SCN4A: variants seen among roughly 807,000 people sequenced by gnomAD.
SCN4A encodes the protein sodium voltage-gated channel alpha subunit 4.
SCN4A carries 83 observed loss-of-function variants against 162.0 expected under a neutral mutation model. That is an observed-to-expected ratio of 0.51 (90% CI 0.43 to 0.61). The LOEUF (loss-of-function observed/expected upper bound fraction) is 0.61. Among genes scored for constraint, SCN4A ranks in the 20% least tolerant of loss-of-function variants. SCN4A has a pLI of 0.00. For synonymous variants in SCN4A, 944 were observed against 985.1 expected, an observed-to-expected ratio of 0.96 and a Z score of 0.78; for missense variants, 2,196 against 2,462.5, an observed-to-expected ratio of 0.89 and a Z score of 2.29.
At position 63,945,313 on chromosome 17, in the gene SCN4A, G is replaced by A. The variant is rs778043138; in HGVS notation, c.3720+47C>T. ...GGTACAACGAGAGGACCGGGGTGGG[G>A]GGCACCTCCATCCAGGTTCCCGGCA... On this transcript the variant is annotated intron_variant, in intron 19 of 23. Transcript: ENST00000435607. This position sits in a 1 kb window ranked among gnomAD's most constrained non-coding sequence, Gnocchi z 4.4. 16 of 1,540,124 alleles carry A rather than the reference G, an allele frequency of 1.0e-5. No individual in the cohort carries two copies. Among genetic ancestry groups the A allele is most frequent in the Admixed American group, 6.8e-5 (4 of 58,520 alleles).
chr17:63,964,485 G>A lies in SCN4A; in HGVS notation c.1435C>T (p.Gln479Ter). ...QQMLEKFKKH[Q>*]EELEKAKAAQ... ...GTCCAGACCTTCTCCAGCTCCTCCT[G>A]GTGCTTTTTGAACTTCTCAAGCATC... The change falls in exon 9 of 24, where the codon CAG (glutamine) becomes TAG (stop). Residue 479 changes from glutamine (Q) to a stop codon, truncating the protein, a stop_gained. Transcript: ENST00000435607. LOFTEE classifies it high-confidence loss of function. 1.9e-6 allele frequency: 3 copies of A among 1,613,920 alleles called. No individual in the cohort carries two copies. Among genetic ancestry groups the A allele is most frequent in the Non-Finnish European group, 2.5e-6 (3 of 1,179,826 alleles).
chr17:63,969,315 G>A (rs1191039867), intron 5 of SCN4A, among the ~76,000 whole-genome samples: 1 of 152,136 alleles, frequency 6.6e-6, no homozygotes, highest in Non-Finnish European at 1.5e-5. Flanking sequence ...TAATCCCAGG[G>A]GCAGGTTCCC....
intron 5 of SCN4A, 46 bp downstream of exon 5, chr17:63,971,116 G>C: frequency 1.6e-6 from 2 of 1,251,542 alleles, no homozygotes; most frequent in South Asian, 1.3e-5. Flanking sequence ...CACATGGTAC[G>C]GGGGTCTCTC....
Position 63,941,593 on chromosome 17 carries a change from A to G in SCN4A, c.4689T>C (p.Ser1563=). The G allele has an allele frequency of 6.2e-7, 1 of 1,614,080 alleles. No individual in the cohort carries two copies. The highest frequency in any genetic ancestry group is 8.5e-7 in the Non-Finnish European group (1 of 1,179,992). ...AGGGGTTGCCGCAGTCACCCTTGAC[A>G]CTGGTGCCCGGGTTCTCCAGGTTGG... ...CDPNLENPGT[S]VKGDCGNPSI... is the part of the protein sequence containing the mutation. Residue 1563 remains serine, a synonymous_variant, in exon 24 of 24, where the codon AGT becomes AGC. Coordinates refer to ENST00000435607, the MANE Select transcript of SCN4A (RefSeq NM_000334.4). The surrounding 1 kb of genome is among the most constrained non-coding windows in gnomAD (Gnocchi z 6.2).
chr17:63,961,547 A>T, intron 10 of SCN4A, 116 bp from the exon 11 acceptor site: 1 of 740,658 alleles, frequency 1.4e-6, no homozygotes, highest in Non-Finnish European at 2.4e-6. Context: ...TCCACATCTC[A>T]ACCCTCTAGC....
rs73326367 is a variant in SCN4A at position 63,966,366 on chromosome 17, A to C, written c.1100+115T>G. The stretch of plus-strand genomic sequence containing the variant: ...TGTCCCCCAAACAGAAAAGTATTCC[A>C]TCCATGCCCACAGGTTTCCCTGCAC... On this transcript the variant is annotated intron_variant, in intron 7 of 23. Coordinates refer to ENST00000435607, the MANE Select transcript of SCN4A (RefSeq NM_000334.4). The C allele has an allele frequency of 0.012, 17,445 of 1,405,884 alleles. 1,546 individuals carry two copies. The African/African-American group carries it at 0.2, about 16-fold the overall frequency. 87.1% of individuals were successfully genotyped at this position (1,405,884 alleles called of 1,614,324 possible).
At chr17:63,967,863 G>A (rs1007935860) in intron 6 of SCN4A, among the ~76,000 whole-genome samples, 160 bp downstream of exon 6, 1 of 151,974 alleles carries the variant, frequency 6.6e-6, no homozygotes, top group South Asian at 2.1e-4. Flanking sequence ...AAGCCGGGAG[G>A]CGGAGGTTGT....
intron 13 of SCN4A, among the ~76,000 whole-genome samples, chr17:63,955,135 A>T (rs896094390): frequency 6.6e-6 from 1 of 152,218 alleles, no homozygotes; most frequent in Non-Finnish European, 1.5e-5. Flanking sequence ...TGTTATCGTT[A>T]CTGGAGTTAC....
Position 63,957,300 on chromosome 17 carries a change from A to C in SCN4A, c.2238T>G (p.Asp746Glu). The C allele has an allele frequency of 6.2e-7, 1 of 1,614,162 alleles. No homozygotes were observed. The highest frequency in any genetic ancestry group is 8.5e-7 in the Non-Finnish European group (1 of 1,180,014). ...DCNLPRWHMH[D>E]FFHSFLIVFR... is the part of the protein sequence containing the mutation. ...AGACGATGAGGAAGGAGTGGAAGAA[A>C]TCATGCATGTGCCAGCGCGGCAGGT... The change falls in exon 13 of 24, where the codon GAT becomes GAG. Residue 746 changes from aspartate to glutamate, a missense_variant. Transcript: ENST00000435607.
At chr17:63,946,145 C>T (rs1388089483) in intron 18 of SCN4A, among the ~76,000 whole-genome samples, 2 of 152,174 alleles carry the variant, frequency 1.3e-5, no homozygotes, top group African/African-American at 4.8e-5. Flanking sequence ...CTGGATCTGA[C>T]ACCCCTCTCT....
intron 22 of SCN4A, 98 bp from the exon 23 acceptor site, chr17:63,943,194 C>T: frequency 9.5e-7 from 1 of 1,052,686 alleles, no homozygotes. Flanking sequence ...CACAGCATGA[C>T]AGAGATGACA....
chr17:63,966,197 T>C lies in SCN4A; in HGVS notation c.1147A>G (p.Asn383Asp), dbSNP rs760351813. ...YECIKTGRNP[N>D]YGYTSYDTFS... ...GTGTCATAGCTGGTGTAGCCATAGT[T>C]GGGGTTCCGCCCGGTCTTGATGCAC... The change falls in exon 8 of 24, where the codon AAC becomes GAC. Residue 383 changes from asparagine to aspartate, a missense_variant. Coordinates refer to ENST00000435607, the MANE Select transcript of SCN4A (RefSeq NM_000334.4). 1 of 1,602,306 alleles carries C rather than the reference T, an allele frequency of 6.2e-7. No homozygotes were observed. The highest frequency in any genetic ancestry group is 1.7e-5 in the Admixed American group (1 of 58,218).
intron 13 of SCN4A, among the ~76,000 whole-genome samples, chr17:63,956,492 TA>T (rs1392031443): frequency 2.0e-5 from 3 of 152,200 alleles, no homozygotes; most frequent in African/African-American, 4.8e-5. Flanking sequence ...CTTGGCCTCC[TA>T]AAGTGCTGGG....
intron 13 of SCN4A, among the ~76,000 whole-genome samples, chr17:63,955,539 G>T (rs1020735117): frequency 6.6e-6 from 1 of 152,150 alleles, no homozygotes; most frequent in Non-Finnish European, 1.5e-5. Flanking sequence ...TAAATAACGG[G>T]CTCGAGGTTT....
In SCN4A at chr17:63,940,657, G is replaced by C. The variant is rs2228996; in HGVS notation, c.*114C>G. The C allele has an allele frequency of 5.5e-4, 721 of 1,322,598 alleles. 7 individuals are homozygous for C. The highest frequency in any genetic ancestry group is 1.8e-4 in the Non-Finnish European group (177 of 983,636). The allele number at this position is 1,322,598 out of a possible 1,614,324, so 81.9% of individuals were successfully genotyped here. On this transcript the variant is annotated 3_prime_UTR_variant, in exon 24 of 24. Coordinates refer to ENST00000435607, the MANE Select transcript of SCN4A (RefSeq NM_000334.4). The stretch of plus-strand genomic sequence containing the variant: ...GTGGCCAAATCCTGTCCCCCATCAG[G>C]GAGCCAGGCACAGTCCCAGATTCAA...
Position 63,945,553 on chromosome 17 carries a change from A to G in SCN4A, c.3527T>C (p.Ile1176Thr). ...GCCGGCAAACAGGTTGACACCCATG[A>G]TGCTGAAGATCAGCCAGAAGATGAG... ...VCLIFWLIFS[I>T]MGVNLFAGKF... Residue 1176 changes from isoleucine to threonine, a missense_variant, in exon 19 of 24, where the codon ATC (isoleucine) becomes ACC (threonine). Coordinates refer to ENST00000435607, the MANE Select transcript of SCN4A (RefSeq NM_000334.4). This position sits in a 1 kb window ranked among gnomAD's most constrained non-coding sequence, Gnocchi z 4.4. 6.2e-7 allele frequency: 1 copy of G among 1,614,020 alleles called. No individual in the cohort carries two copies. Among genetic ancestry groups the G allele is most frequent in the Non-Finnish European group, 8.5e-7 (1 of 1,179,892 alleles).
In SCN4A at chr17:63,950,526, T is replaced by G. The variant is rs1454755136; in HGVS notation, c.2853+898A>C. ...CTCATACCGAGGTCTGTGCCACAGT[T>G]GCCTGGGTATTTATAGCTCACAGGC... On this transcript the variant is annotated intron_variant, in intron 14 of 23. Transcript: ENST00000435607. The surrounding 1 kb of genome is among the most constrained non-coding windows in gnomAD (Gnocchi z 4.6). Among the ~76,000 whole-genome samples, 1 of 152,200 alleles carries G rather than the reference T, an allele frequency of 6.6e-6. No homozygotes were observed. The highest frequency in any genetic ancestry group is 1.5e-5 in the Non-Finnish European group (1 of 68,034).
In SCN4A at chr17:63,972,490, G is replaced by C. The variant is rs763633540; in HGVS notation, c.274-20C>G. 24 of 1,611,708 alleles carry C rather than the reference G, an allele frequency of 1.5e-5. No homozygotes were observed. Among genetic ancestry groups the C allele is most frequent in the Non-Finnish European group, 1.5e-5 (18 of 1,178,814 alleles). On this transcript the variant is annotated intron_variant, in intron 1 of 23. Coordinates refer to ENST00000435607, the MANE Select transcript of SCN4A (RefSeq NM_000334.4). This position sits in a 1 kb window ranked among gnomAD's most constrained non-coding sequence, Gnocchi z 4.3. ...GAAGGTCTAAGGTGGGAGAGAGGCT[G>C]TGAGACCCAGGGACAGACAGACAGG...
chr17:63,946,309 C>T (rs1908714477), intron 18 of SCN4A, among the ~76,000 whole-genome samples: 1 of 152,080 alleles, frequency 6.6e-6, no homozygotes, highest in Non-Finnish European at 1.5e-5. Flanking sequence ...TCTGGGGGGT[C>T]AGAGGGCCCA....
Sources: gnomAD v4.1 joint callset for allele counts (sites outside exome capture counted in the v4.1 genomes callset) on GRCh38, gnomAD v4.1.1 for gene constraint, Gnocchi (gnomAD v3.1) non-coding constraint, MANE v1.5 for transcripts, NCBI Gene and HGNC (gene_info 2026-07-23, HGNC 2026-07-21) for gene names.